Variants in MAPKAP1 observed in about 807,000 individuals in gnomAD.
The protein encoded by MAPKAP1 is target of rapamycin complex 2 subunit MAPKAP1.
Under a neutral mutation model 65.7 loss-of-function variants are expected in MAPKAP1, and 20 were observed. The observed-to-expected ratio is 0.30, with a 90% CI of 0.21 to 0.44. The LOEUF is 0.44. Among genes scored for constraint, MAPKAP1 ranks in the 20% least tolerant of loss-of-function variants. The pLI, the probability that MAPKAP1 is intolerant of heterozygous loss-of-function variation, is 1.00. For synonymous variants in MAPKAP1, 222 were observed against 244.3 expected, an observed-to-expected ratio of 0.91 and a Z score of 0.85; for missense variants, 423 against 648.0, an observed-to-expected ratio of 0.65 and a Z score of 3.77.
chr9:125,520,562 A>G (rs1564540281), intron 7 of MAPKAP1, among the ~76,000 whole-genome samples: 4 of 152,170 alleles, frequency 2.6e-5, no homozygotes, highest in Admixed American at 2.6e-4. Context: ...CTCTGCTTAG[A>G]TGCCTCTGTC....
intron 4 of MAPKAP1, among the ~76,000 whole-genome samples, chr9:125,649,887 G>T (rs1243881398): frequency 6.6e-6 from 1 of 152,090 alleles, no homozygotes; most frequent in African/African-American, 2.4e-5. Flanking sequence ...GTGACCCTGG[G>T]CTGTCATTTG....
At chr9:125,630,203 G>A (rs369819338) in intron 4 of MAPKAP1, among the ~76,000 whole-genome samples, 5 of 152,154 alleles carry the variant, frequency 3.3e-5, no homozygotes, top group East Asian at 3.8e-4. Flanking sequence ...ACAGCTCACC[G>A]CAGCCTCGAC....
chr9:125,519,496 G>A (rs1829558297), intron 7 of MAPKAP1, among the ~76,000 whole-genome samples: 1 of 151,788 alleles, frequency 6.6e-6, no homozygotes. Context: ...GCCTGGTATG[G>A]TAGCACACAC....
rs1022426329 is a variant in MAPKAP1, at chr9:125,467,915, C to T, written c.1345+57G>A. 1.9e-6 allele frequency: 3 copies of T among 1,579,816 alleles called. No individual in the cohort carries two copies. In the Admixed American group the frequency reaches 5.3e-5, roughly 28 times the overall value. On this transcript the variant is annotated intron_variant, in intron 10 of 11. Coordinates refer to ENST00000265960, the MANE Select transcript of MAPKAP1 (RefSeq NM_001006617.3). ...ATATATTCTCCTGGCACCCAGCACA[C>T]AGAAGAGAAGAGAGGGGAAAGAGAG...
intron 5 of MAPKAP1, among the ~76,000 whole-genome samples, chr9:125,580,299 A>G (rs1209310975): frequency 6.6e-6 from 1 of 152,210 alleles, no homozygotes; most frequent in Non-Finnish European, 1.5e-5. Flanking sequence ...ATGTCCATCA[A>G]TGATAGACTG....
At chr9:125,601,154 G>A (rs967430353) in intron 4 of MAPKAP1, among the ~76,000 whole-genome samples, 3 of 124,704 alleles carry the variant, frequency 2.4e-5, no homozygotes, top group Non-Finnish European at 5.4e-5. Flanking sequence ...ACTAGATGAT[G>A]TATCTCTAAA....
At chr9:125,570,706 T>C (rs1831202876) in intron 5 of MAPKAP1, among the ~76,000 whole-genome samples, 1 of 152,218 alleles carries the variant, frequency 6.6e-6, no homozygotes, top group Non-Finnish European at 1.5e-5. Flanking sequence ...AATGTGAATT[T>C]TTTTCTGCCT....
intron 3 of MAPKAP1, among the ~76,000 whole-genome samples, chr9:125,663,640 A>T (rs747360854): frequency 6.6e-6 from 1 of 152,172 alleles, no homozygotes; most frequent in Non-Finnish European, 1.5e-5. Context: ...TTGTTGAATG[A>T]ATAAGTCTGG....
At chr9:125,646,910 C>T (rs1191948948) in intron 4 of MAPKAP1, among the ~76,000 whole-genome samples, 1 of 152,216 alleles carries the variant, frequency 6.6e-6, no homozygotes, top group Non-Finnish European at 1.5e-5. Context: ...CTGGCCCTAG[C>T]CTCAGAGTCG....
chr9:125,595,757 A>T lies in MAPKAP1; in HGVS notation c.499-10030T>A. On this transcript the variant is annotated intron_variant, in intron 4 of 11. Coordinates refer to ENST00000265960, the MANE Select transcript of MAPKAP1 (RefSeq NM_001006617.3). This position sits in a 1 kb window ranked among gnomAD's most constrained non-coding sequence, Gnocchi z 4.0. ...CTTTGAAACAACCAATGAGAGCAAG[A>T]GGAGCCATTGTGAGCAATGGGGAAC... is the stretch of plus-strand genomic sequence containing the variant. 7.3e-7 allele frequency: 1 copy of T among 1,370,516 alleles called. No homozygotes were observed. The highest frequency in any genetic ancestry group is 1.0e-6 in the Non-Finnish European group (1 of 976,914). 84.9% of individuals were successfully genotyped at this position (1,370,516 alleles called of 1,614,324 possible).
intron 1 of MAPKAP1, among the ~76,000 whole-genome samples, chr9:125,701,397 A>G (rs527384188): frequency 1.3e-5 from 2 of 152,326 alleles, no homozygotes; most frequent in South Asian, 4.1e-4. Flanking sequence ...CCAAAAAGGA[A>G]AAAAGATCCG....
At chr9:125,705,869 C>T (rs945373382) in intron 1 of MAPKAP1, among the ~76,000 whole-genome samples, 2 of 152,202 alleles carry the variant, frequency 1.3e-5, no homozygotes, top group African/African-American at 4.8e-5. Context: ...ATTAGAGATC[C>T]TACTTATTCA....
At chr9:125,656,228 A>AT (rs1017744030) in intron 4 of MAPKAP1, among the ~76,000 whole-genome samples, 8 of 151,684 alleles carry the variant, frequency 5.3e-5, no homozygotes, top group South Asian at 4.2e-4. Context: ...TCATTGTAGT[A>AT]TTTTTTTTTA....
chr9:125,554,067 G>A (rs972743717), intron 6 of MAPKAP1, among the ~76,000 whole-genome samples: 5 of 152,096 alleles, frequency 3.3e-5, no homozygotes, highest in African/African-American at 7.2e-5. Flanking sequence ...CTAGGATAAC[G>A]TGGCGAGATT....
At chr9:125,706,675 C>G (rs998015774) in intron 1 of MAPKAP1, among the ~76,000 whole-genome samples, 1 of 151,992 alleles carries the variant, frequency 6.6e-6, no homozygotes, top group Non-Finnish European at 1.5e-5. Flanking sequence ...AAGACCAGGG[C>G]ACCTAGATAT....
chr9:125,476,037 G>A (rs556450539), intron 9 of MAPKAP1, among the ~76,000 whole-genome samples: 2 of 152,314 alleles, frequency 1.3e-5, no homozygotes, highest in South Asian at 4.2e-4. Flanking sequence ...TGAGGAACCT[G>A]ACACATTGTC....
Position 125,447,382 on chromosome 9 carries a change from C to G in MAPKAP1, c.1346-2784G>C. ...GTTCTGTGGAGCACTTGTGTTTGGA[C>G]TTGAACAATGACACAGCTGCAAAGT... is the stretch of plus-strand genomic sequence containing the variant. On this transcript the variant is annotated intron_variant, in intron 10 of 11. Transcript: ENST00000265960. The surrounding 1 kb of genome is among the most constrained non-coding windows in gnomAD (Gnocchi z 4.5). 4.4e-6 allele frequency: 2 copies of G among 456,574 alleles called. No homozygotes were observed. Among genetic ancestry groups the G allele is most frequent in the Non-Finnish European group, 8.8e-6 (2 of 226,920 alleles). 28.3% of individuals were successfully genotyped at this position (456,574 alleles called of 1,614,324 possible).
chr9:125,585,442 G>T, intron 5 of MAPKAP1, 113 bp downstream of exon 5: 1 of 1,134,164 alleles, frequency 8.8e-7, no homozygotes, highest in Non-Finnish European at 1.3e-6. Context: ...AGCTGGATCA[G>T]TGCAGAAGTG....
At chr9:125,471,310 A>C (rs548821918) in intron 9 of MAPKAP1, 2 of 152,542 alleles carry the variant, frequency 1.3e-5, no homozygotes, top group Admixed American at 1.3e-4. Context: ...TTGGCTTCGG[A>C]GCCCTCGGTA....
Sources: gnomAD v4.1 joint callset for allele counts (sites outside exome capture counted in the v4.1 genomes callset) on GRCh38, gnomAD v4.1.1 for gene constraint, Gnocchi (gnomAD v3.1) non-coding constraint, MANE v1.5 for transcripts, NCBI Gene and HGNC (gene_info 2026-07-23, HGNC 2026-07-21) for gene names.